The following TRIM27 variants were observed in gnomAD, a reference collection of about 807,000 sequenced individuals.
TRIM27 encodes zinc finger protein RFP.
TRIM27 carries 12 observed loss-of-function variants against 57.6 expected under a neutral mutation model. The ratio of observed to expected loss-of-function variants is 0.21; its 90% CI spans 0.13 to 0.34. The LOEUF (loss-of-function observed/expected upper bound fraction) is 0.34, where lower values mean the gene tolerates loss of function less well. Among genes scored for constraint, TRIM27 ranks in the 10% least tolerant of loss-of-function variants. The pLI is 1.00. For synonymous variants in TRIM27, 266 were observed against 259.0 expected, an observed-to-expected ratio of 1.03 and a Z score of -0.26; for missense variants, 403 against 656.8, an observed-to-expected ratio of 0.61 and a Z score of 4.22.
At chr6:28,922,174 C>G (rs969404585) in intron 1 of TRIM27, among the ~76,000 whole-genome samples, 187 bp from the exon 2 acceptor site, 10 of 152,210 alleles carry the variant, frequency 6.6e-5, no homozygotes, top group African/African-American at 2.4e-4. Context: ...CTTTGGCAAT[C>G]TGTGTCTATC....
chr6:28,908,383 C>T (rs1399772877), intron 6 of TRIM27: 2 of 178,130 alleles, frequency 1.1e-5, no homozygotes, highest in Non-Finnish European at 2.4e-5. Context: ...ATGTCCCTGG[C>T]GGTGCTGCCT....
At chr6:28,905,663 G>A (rs931737183) in intron 7 of TRIM27, 29 of 152,524 alleles carry the variant, frequency 1.9e-4, no homozygotes, top group African/African-American at 7.0e-4. Context: ...CTTCCAAAGT[G>A]TTAGGACTAC....
In TRIM27 at chr6:28,923,543, G is replaced by A. The variant is rs772032527; in HGVS notation, c.90C>T (p.Asp30=). 1.9e-6 allele frequency: 3 copies of A among 1,611,736 alleles called. No homozygotes were observed. The African/African-American group carries it at 4.0e-5, about 22-fold the overall frequency. The change falls in exon 1 of 8, where the codon GAC becomes GAT. Residue 30 remains aspartate, a synonymous_variant. Transcript: ENST00000377199. ...LQYFAEPMML[D]CGHNICCACL... is the part of the protein sequence containing the mutation. ...ACGCGCAACAGATGTTATGGCCGCAGTCGAGCATCATGGGCTCTGCGAAGT... is the reference window on the plus strand; with the variant it reads ...ACGCGCAACAGATGTTATGGCCGCAATCGAGCATCATGGGCTCTGCGAAGT...
In TRIM27 at chr6:28,910,269, G is replaced by C. The variant is rs141388992; in HGVS notation, c.771-1181C>G. ...TAGAACAGTGAATGGGAAGAAACCTGAGTCTCTGAGGATCACTGGAGTTAC... is the reference window on the plus strand; with the variant it reads ...TAGAACAGTGAATGGGAAGAAACCTCAGTCTCTGAGGATCACTGGAGTTAC... On this transcript the variant is annotated intron_variant, in intron 4 of 7. Transcript: ENST00000377199. Among the ~76,000 whole-genome samples, 40 of 152,170 alleles carry C rather than the reference G, an allele frequency of 2.6e-4. 1 individual carries two copies. The East Asian group carries it at 7.5e-3, about 29-fold the overall frequency.
intron 4 of TRIM27, among the ~76,000 whole-genome samples, chr6:28,909,638 T>C (rs563929250): frequency 1.5e-4 from 23 of 152,336 alleles, no homozygotes; most frequent in South Asian, 4.1e-4. Flanking sequence ...AAAGGTTTAC[T>C]GAATTACATA....
At chr6:28,910,123 G>GAAAAAAAAAAAAAAAGAA (rs1773077147) in intron 4 of TRIM27, among the ~76,000 whole-genome samples, 1 of 97,622 alleles carries the variant, frequency 1.0e-5, no homozygotes, top group Non-Finnish European at 2.2e-5. Context: ...AAAGAAAAAT[G>GAAAAAAAAAAAAAAAGAA]AAAAAAAAAA....
Position 28,904,873 on chromosome 6 carries a change from G to T in TRIM27, c.947-208C>A. Reference sequence around the variant, plus strand: ...AATACTCTGAAAATACAGAATTTTAGCCCCGTATCTTTTCTTTCACATCTG... The same window carrying T: ...AATACTCTGAAAATACAGAATTTTATCCCCGTATCTTTTCTTTCACATCTG... On this transcript the variant is annotated intron_variant, in intron 7 of 7. Coordinates refer to ENST00000377199, the MANE Select transcript of TRIM27 (RefSeq NM_006510.5). This position sits in a 1 kb window ranked among gnomAD's most constrained non-coding sequence, Gnocchi z 6.1. The T allele has an allele frequency of 3.6e-6, 2 of 560,958 alleles. No individual in the cohort carries two copies. Among genetic ancestry groups the T allele is most frequent in the Non-Finnish European group, 6.3e-6 (2 of 316,920 alleles). 34.7% of individuals were successfully genotyped at this position (560,958 alleles called of 1,614,324 possible).
At position 28,920,926 on chromosome 6, in the gene TRIM27, C is replaced by G. The variant is rs115229679; in HGVS notation, c.517-684G>C. Among the ~76,000 whole-genome samples, 931 of 152,294 alleles carry G rather than the reference C, an allele frequency of 6.1e-3. 7 individuals carry two copies. Among genetic ancestry groups the G allele is most frequent in the Middle Eastern group, 0.01 (3 of 294 alleles). ...ATCCATACCCGCTGTCTGTCCTTCA[C>G]GGGTGTTCACCAACTGCTGTCTCTA... On this transcript the variant is annotated intron_variant, in intron 2 of 7. Coordinates refer to ENST00000377199, the MANE Select transcript of TRIM27 (RefSeq NM_006510.5).
chr6:28,909,108 G>A lies in TRIM27; in HGVS notation c.771-20C>T. 7 of 1,550,156 alleles carry A rather than the reference G, an allele frequency of 4.5e-6. No homozygotes were observed. Among genetic ancestry groups the A allele is most frequent in the Non-Finnish European group, 4.4e-6 (5 of 1,134,678 alleles). On this transcript the variant is annotated intron_variant, in intron 4 of 7. Coordinates refer to ENST00000377199, the MANE Select transcript of TRIM27 (RefSeq NM_006510.5). ...TCAGCCCTAAATTTAAAAAACATGA[G>A]TAAATTTTTTTTTTTTTTGAGATGG...
In TRIM27 at chr6:28,914,099, G is replaced by A. The variant is rs542185008; in HGVS notation, c.748-2381C>T. Reference sequence around the variant, plus strand: ...TGCAGTGGTGCAATCATAGCTCACTGCAGGCTCAACCTCTTGGGCTCTAGT... The same window carrying A: ...TGCAGTGGTGCAATCATAGCTCACTACAGGCTCAACCTCTTGGGCTCTAGT... On this transcript the variant is annotated intron_variant, in intron 3 of 7. Coordinates refer to ENST00000377199, the MANE Select transcript of TRIM27 (RefSeq NM_006510.5). 1.2e-3 allele frequency among the ~76,000 whole-genome samples: 175 copies of A among 145,304 alleles called. 3 individuals carry two copies. The South Asian group carries it at 0.032, about 26-fold the overall frequency.
intron 4 of TRIM27, among the ~76,000 whole-genome samples, chr6:28,909,483 C>T (rs763767084): frequency 1.5e-4 from 23 of 152,206 alleles, no homozygotes; most frequent in Non-Finnish European, 2.5e-4. Flanking sequence ...CTAGCGTACA[C>T]GGACAGTCTT....
At chr6:28,911,469 C>A (rs1773207459) in intron 4 of TRIM27, 4 of 535,686 alleles carry the variant, frequency 7.5e-6, no homozygotes, top group Admixed American at 7.1e-5. Flanking sequence ...TGTCCTCATA[C>A]CCCTAATCCA....
chr6:28,912,410 C>T (rs2150472769), intron 3 of TRIM27, among the ~76,000 whole-genome samples: 1 of 152,100 alleles, frequency 6.6e-6, no homozygotes, highest in South Asian at 2.1e-4. Context: ...GGTGGCCTCT[C>T]CCTTCTTTCA....
intron 3 of TRIM27, among the ~76,000 whole-genome samples, chr6:28,917,888 G>A (rs1773732132): frequency 6.6e-6 from 1 of 150,970 alleles, no homozygotes; most frequent in African/African-American, 2.4e-5. Flanking sequence ...ATGCAATGGC[G>A]CAATCTCGGC....
intron 1 of TRIM27, among the ~76,000 whole-genome samples, chr6:28,922,210 C>T (rs1453850496): frequency 6.6e-6 from 1 of 152,196 alleles, no homozygotes; most frequent in Non-Finnish European, 1.5e-5. Flanking sequence ...TTCAACCACT[C>T]AGCTACCTCG....
chr6:28,913,303 A>G (rs1358988464), intron 3 of TRIM27, among the ~76,000 whole-genome samples: 1 of 149,034 alleles, frequency 6.7e-6, no homozygotes, highest in Non-Finnish European at 1.5e-5. Context: ...ACGTATGTAT[A>G]TGTGTGTGTA....
intron 3 of TRIM27, 35 bp downstream of exon 3, chr6:28,919,977 T>C: frequency 5.1e-6 from 8 of 1,576,660 alleles, no homozygotes; most frequent in Non-Finnish European, 6.9e-6. Context: ...ATATTTTCAG[T>C]GGGTGCTGCT....
chr6:28,923,960 G>C lies in TRIM27; in HGVS notation c.-328C>G, dbSNP rs1774283745. Reference sequence around the variant, plus strand: ...AAAGCGCGCAAGACAACGTGGCCGCGTCCGAGCGGATGCCGGCGGCAGCGT... The same window carrying C: ...AAAGCGCGCAAGACAACGTGGCCGCCTCCGAGCGGATGCCGGCGGCAGCGT... On this transcript the variant is annotated 5_prime_UTR_variant, in exon 1 of 8. Coordinates refer to ENST00000377199, the MANE Select transcript of TRIM27 (RefSeq NM_006510.5). 7 of 355,394 alleles carry C rather than the reference G, an allele frequency of 2.0e-5. No individual in the cohort carries two copies. The East Asian group carries it at 3.0e-4, about 15-fold the overall frequency. 22.0% of individuals were successfully genotyped at this position (355,394 alleles called of 1,614,324 possible).
chr6:28,922,269 T>C (rs1039308417), intron 1 of TRIM27, among the ~76,000 whole-genome samples: 16 of 152,226 alleles, frequency 1.1e-4, no homozygotes, highest in Non-Finnish European at 2.1e-4. Context: ...TACCTGTCCC[T>C]GGTAGGATAT....
Sources: gnomAD v4.1 joint callset for allele counts (sites outside exome capture counted in the v4.1 genomes callset) on GRCh38, gnomAD v4.1.1 for gene constraint, Gnocchi (gnomAD v3.1) non-coding constraint, MANE v1.5 for transcripts, NCBI Gene and HGNC (gene_info 2026-07-23, HGNC 2026-07-21) for gene names.